Variants in NSD2 observed in about 807,000 individuals in gnomAD.
The protein encoded by NSD2 is histone-lysine N-methyltransferase NSD2.
Under a neutral mutation model 139.0 loss-of-function variants are expected in NSD2, and 12 were observed. The observed-to-expected ratio is 0.09, with a 90% CI of 0.06 to 0.14. The LOEUF is 0.14. Ranked by LOEUF, NSD2 falls within the 10% of genes least tolerant of loss-of-function variation. The pLI is 1.00. For synonymous variants in NSD2, 669 were observed against 648.7 expected (o/e 1.03, Z -0.48); for missense variants, 1,155 against 1,745.0 (o/e 0.66, Z 6.02).
At chr4:1,959,290 G>C (rs1725138246) in intron 16 of NSD2, among the ~76,000 whole-genome samples, 181 bp from the exon 17 acceptor site, 1 of 152,140 alleles carries the variant, frequency 6.6e-6, no homozygotes. Context: ...GTGCTAAGAA[G>C]GCAGAGGAGA....
At chr4:1,883,871 G>T (rs1423345064) in intron 1 of NSD2, among the ~76,000 whole-genome samples, 1 of 152,190 alleles carries the variant, frequency 6.6e-6, no homozygotes, top group South Asian at 2.1e-4. Context: ...CGCAGGAGCT[G>T]CGTTGCTGCC....
chr4:1,942,414 T>C lies in NSD2; in HGVS notation c.1881+2636T>C. The C allele has an allele frequency of 6.2e-7, 1 of 1,607,604 alleles. No homozygotes were observed. Among genetic ancestry groups the C allele is most frequent in the Non-Finnish European group, 8.5e-7 (1 of 1,177,796 alleles). On this transcript the variant is annotated intron_variant, in intron 9 of 21. Transcript: ENST00000508803. The surrounding 1 kb of genome is among the most constrained non-coding windows in gnomAD (Gnocchi z 4.0). ...GTACTGCACTTAGAATGATGTAATATTCCAGGATGCTGCTGCAGGTGGCGT... is the reference window on the plus strand; with the variant it reads ...GTACTGCACTTAGAATGATGTAATACTCCAGGATGCTGCTGCAGGTGGCGT...
At chr4:1,941,647 G>T (rs1386074909) in intron 9 of NSD2, 5 of 1,041,794 alleles carry the variant, frequency 4.8e-6, no homozygotes, top group Non-Finnish European at 5.8e-6. Flanking sequence ...CCTACATTTT[G>T]AAGGTGATGC....
chr4:1,897,358 A>G (rs1716494560), intron 1 of NSD2, among the ~76,000 whole-genome samples: 2 of 151,848 alleles, frequency 1.3e-5, no homozygotes, highest in Admixed American at 1.3e-4. Context: ...GGTGGGGTGC[A>G]CCTATAGTCC....
intron 1 of NSD2, among the ~76,000 whole-genome samples, chr4:1,874,474 G>C (rs1004440969): frequency 6.6e-6 from 1 of 152,176 alleles, no homozygotes; most frequent in Non-Finnish European, 1.5e-5. Flanking sequence ...CATTGCCTCT[G>C]CTGGTGCATT....
At chr4:1,925,621 A>G (rs1577456912) in intron 5 of NSD2, among the ~76,000 whole-genome samples, 2 of 147,036 alleles carry the variant, frequency 1.4e-5, no homozygotes, top group Admixed American at 1.3e-4. Context: ...CTGGTCTTGA[A>G]CTCCTGACCT....
Position 1,900,681 on chromosome 4 carries a change from C to A in NSD2, c.27C>A (p.Pro9=), listed in dbSNP as rs1319609082. The A allele has an allele frequency of 1.9e-6, 3 of 1,600,296 alleles. No individual in the cohort carries two copies. Among genetic ancestry groups the A allele is most frequent in the Non-Finnish European group, 2.6e-6 (3 of 1,171,526 alleles). Residue 9 remains proline, a synonymous_variant, in exon 2 of 22, where the codon CCC becomes CCA. Transcript: ENST00000508803. MEFSIKQS[P]LSVQSVVKCI... is the part of the protein sequence containing the mutation. The stretch of plus-strand genomic sequence containing the variant: ...TGGAATTTAGCATCAAGCAGAGTCC[C>A]CTTTCTGTTCAGAGTGTTGTAAAGT...
At chr4:1,944,896 T>C (rs969078898) in intron 9 of NSD2, 1 of 1,063,118 alleles carries the variant, frequency 9.4e-7, no homozygotes, top group African/African-American at 1.6e-5. Flanking sequence ...TTATCTCTTA[T>C]ACCTGTATCT....
rs1228668641 is a variant in NSD2, at chr4:1,951,462, A to C, written c.2013+259A>C. 2.2e-4 allele frequency among the ~76,000 whole-genome samples: 9 copies of C among 40,898 alleles called. 1 individual carries two copies. The highest frequency in any genetic ancestry group is 7.4e-4 in the Admixed American group (3 of 4,076). 26.8% of individuals were successfully genotyped at this position (40,898 alleles called of 152,430 possible). A position where few individuals can be genotyped will look rare whatever the true frequency, so the allele number is the denominator to read the frequency against. ...ATGTAATACACACACACACACACAC[A>C]CACACACACACACACACACACACAC... is the stretch of plus-strand genomic sequence containing the variant. On this transcript the variant is annotated intron_variant, in intron 10 of 21. Coordinates refer to ENST00000508803, the MANE Select transcript of NSD2 (RefSeq NM_001042424.3).
chr4:1,955,421 T>C lies in NSD2; in HGVS notation c.2518+81T>C, dbSNP rs769959332. 61 of 1,485,264 alleles carry C rather than the reference T, an allele frequency of 4.1e-5. No homozygotes were observed. The highest frequency in any genetic ancestry group is 5.4e-5 in the Non-Finnish European group (60 of 1,111,102). 92.0% of individuals were successfully genotyped at this position (1,485,264 alleles called of 1,614,324 possible). ...TATCAAGGCAGGCTCATTCCTTGTC[T>C]GCGCTGTGTTCATTGATGTTGACAG... On this transcript the variant is annotated intron_variant, in intron 13 of 21. Coordinates refer to ENST00000508803, the MANE Select transcript of NSD2 (RefSeq NM_001042424.3). The surrounding 1 kb of genome is among the most constrained non-coding windows in gnomAD (Gnocchi z 4.7).
chr4:1,872,196 C>T (rs1455380569), intron 1 of NSD2, among the ~76,000 whole-genome samples: 4 of 151,996 alleles, frequency 2.6e-5, no homozygotes, highest in Admixed American at 2.0e-4. Flanking sequence ...CAGGTGGAGG[C>T]GGGGGTGAGC....
rs1278177115 is a variant in NSD2, at chr4:1,981,765, A to T, written c.*2856A>T. The T allele has an allele frequency of 3.5e-5, 14 of 398,016 alleles. No homozygotes were observed. The highest frequency in any genetic ancestry group is 5.3e-5 in the Non-Finnish European group (12 of 225,904). The allele number at this position is 398,016 out of a possible 1,614,324, so 24.7% of individuals were successfully genotyped here. ...TTCCAGGACTACCTTATTTTCCAGA[A>T]TTAAACCTGTTTTATAATTCAAGTT... is the stretch of plus-strand genomic sequence containing the variant. On this transcript the variant is annotated 3_prime_UTR_variant, in exon 22 of 22. Coordinates refer to ENST00000508803, the MANE Select transcript of NSD2 (RefSeq NM_001042424.3).
Position 1,955,420 on chromosome 4 carries a change from C to A in NSD2, c.2518+80C>A. The A allele has an allele frequency of 6.7e-7, 1 of 1,493,130 alleles. No individual in the cohort carries two copies. The highest frequency in any genetic ancestry group is 1.3e-5 in the South Asian group (1 of 78,366). The allele number at this position is 1,493,130 out of a possible 1,614,324, so 92.5% of individuals were successfully genotyped here. ...ATATCAAGGCAGGCTCATTCCTTGT[C>A]TGCGCTGTGTTCATTGATGTTGACA... On this transcript the variant is annotated intron_variant, in intron 13 of 21. Coordinates refer to ENST00000508803, the MANE Select transcript of NSD2 (RefSeq NM_001042424.3). The surrounding 1 kb of genome is among the most constrained non-coding windows in gnomAD (Gnocchi z 4.7).
chr4:1,878,243 ATATATATATTTTTTTTTTTTTTTTTTT>A (rs1464899367), intron 1 of NSD2, among the ~76,000 whole-genome samples: 4 of 37,296 alleles, frequency 1.1e-4, no homozygotes, highest in African/African-American at 5.0e-4. Flanking sequence ...ATATATATAT[ATATATATATTTTTTTTTTTTTTTTTTT>A]TTTTTTTTTT....
At chr4:1,886,415 C>G (rs1389509461) in intron 1 of NSD2, among the ~76,000 whole-genome samples, 1 of 152,136 alleles carries the variant, frequency 6.6e-6, no homozygotes, top group Non-Finnish European at 1.5e-5. Context: ...CTATGTTGGC[C>G]AGGCTGGTCT....
chr4:1,974,637 C>T lies in NSD2; in HGVS notation c.3373-226C>T, dbSNP rs531665217. On this transcript the variant is annotated intron_variant, in intron 18 of 21. Coordinates refer to ENST00000508803, the MANE Select transcript of NSD2 (RefSeq NM_001042424.3). This position sits in a 1 kb window ranked among gnomAD's most constrained non-coding sequence, Gnocchi z 4.0. ...CAGCTCCCTGTCCTGTCCTCCCCGG[C>T]GCTCACTAAGGCTCGGTCCTCTCCA... 47 of 709,690 alleles carry T rather than the reference C, an allele frequency of 6.6e-5. No homozygotes were observed. Among genetic ancestry groups the T allele is most frequent in the African/African-American group, 3.1e-4 (18 of 57,658 alleles). 44.0% of individuals were successfully genotyped at this position (709,690 alleles called of 1,614,324 possible). A position where few individuals can be genotyped will look rare whatever the true frequency, so the allele number is the denominator to read the frequency against.
At chr4:1,938,302 G>A (rs1333777017) in intron 7 of NSD2, 149 bp from the exon 8 acceptor site, 11 of 625,122 alleles carry the variant, frequency 1.8e-5, no homozygotes, top group Middle Eastern at 4.7e-4. Context: ...TTTCTGCCAC[G>A]AAACTTTTCA....
Position 1,976,265 on chromosome 4 carries a change from A to C in NSD2, c.3622-210A>C. ...GCAGGCTTCCGACAAAGCTCACTCT[A>C]GTCGTAGTCTTTGTTCAGCTTTTTC... On this transcript the variant is annotated intron_variant, in intron 20 of 21. Coordinates refer to ENST00000508803, the MANE Select transcript of NSD2 (RefSeq NM_001042424.3). The surrounding 1 kb of genome is among the most constrained non-coding windows in gnomAD (Gnocchi z 5.3). The C allele has an allele frequency of 1.7e-6, 1 of 588,282 alleles. No individual in the cohort carries two copies. Among genetic ancestry groups the C allele is most frequent in the Non-Finnish European group, 3.0e-6 (1 of 330,544 alleles). 36.4% of individuals were successfully genotyped at this position (588,282 alleles called of 1,614,324 possible). A position where few individuals can be genotyped will look rare whatever the true frequency, so the allele number is the denominator to read the frequency against.
chr4:1,886,446 A>G (rs1171771359), intron 1 of NSD2, among the ~76,000 whole-genome samples: 1 of 152,146 alleles, frequency 6.6e-6, no homozygotes, highest in Non-Finnish European at 1.5e-5. Context: ...GCCTCAAGTG[A>G]TTCACTCATC....
Sources: allele counts gnomAD v4.1 joint callset (sites outside exome capture counted in the v4.1 genomes callset), GRCh38; gene constraint gnomAD v4.1.1; non-coding constraint Gnocchi (gnomAD v3.1); transcripts MANE v1.5; gene names NCBI Gene and HGNC (gene_info 2026-07-23, HGNC 2026-07-21).